Variants in CHTF18 observed in about 807,000 individuals in gnomAD.
The protein encoded by CHTF18 is chromosome transmission fidelity factor 18.
A neutral mutation model predicts 113.4 loss-of-function variants in CHTF18; 151 were observed. The observed-to-expected ratio is 1.33, with a 90% CI of 1.17 to 1.52. The LOEUF (loss-of-function observed/expected upper bound fraction) is 1.52. CHTF18 is among the 40% of genes most tolerant of loss of function. CHTF18 has a pLI of 0.00. For missense variants in CHTF18, 1,982 were observed against 1,381.6 expected (o/e 1.43, Z -6.89); for synonymous variants, 916 against 598.8 (o/e 1.53, Z -7.74).
rs1042639391 is a variant in CHTF18, at chr16:794,211, T to G, written c.1950+10T>G. 1.9e-6 allele frequency: 3 copies of G among 1,607,946 alleles called. No individual in the cohort carries two copies. The Admixed American group carries it at 5.0e-5, about 27-fold the overall frequency. On this transcript the variant is annotated intron_variant, in intron 15 of 21. Coordinates refer to ENST00000262315, the MANE Select transcript of CHTF18 (RefSeq NM_022092.3). Reference sequence around the variant, plus strand: ...CGAGAAGGTGGTCCAGGTACCTGTCTTCCACCAAAATGCCTGCCTGGGGCC... The same window carrying G: ...CGAGAAGGTGGTCCAGGTACCTGTCGTCCACCAAAATGCCTGCCTGGGGCC...
intron 15 of CHTF18, 111 bp from the exon 16 acceptor site, chr16:795,021 T>TGGGGCAG (rs2151648069): frequency 1.1e-6 from 1 of 877,400 alleles, no homozygotes; most frequent in Admixed American, 2.4e-5. Flanking sequence ...CGAAGCCTCG[T>TGGGGCAG]GGGGCAGGCG....
Position 796,792 on chromosome 16 carries a change from C to G in CHTF18, c.2532C>G (p.Ile844Met). 2.5e-6 allele frequency: 4 copies of G among 1,610,878 alleles called. No individual in the cohort carries two copies. The Admixed American group carries it at 5.0e-5, about 20-fold the overall frequency. The stretch of plus-strand genomic sequence containing the variant: ...TCACCTACCAGACGAAGCAGCTCAT[C>G]GCCCGCGAGATCGAGGTGGAGAAGA... ...KPLTYQTKQL[I>M]AREIEVEKMR... Residue 844 changes from isoleucine (I) to methionine (M), a missense_variant, in exon 19 of 22, where the codon ATC (isoleucine) becomes ATG (methionine). Transcript: ENST00000262315.
chr16:789,292 C>T lies in CHTF18; in HGVS notation c.369C>T (p.Pro123=), dbSNP rs373270981. The T allele has an allele frequency of 1.6e-5, 25 of 1,589,926 alleles. No homozygotes were observed. In the East Asian group the frequency reaches 2.5e-4, roughly 16 times the overall value. ...RSEEMEEPPP[P]DSSPTDITPP... ...AGGAGATGGAGGAGCCGCCCCCTCCCGACTCCTCGCCGACGGACATCACCC... is the reference window on the plus strand; with the variant it reads ...AGGAGATGGAGGAGCCGCCCCCTCCTGACTCCTCGCCGACGGACATCACCC... The change falls in exon 3 of 22, where the codon CCC becomes CCT. Residue 123 remains proline, a synonymous_variant. Transcript: ENST00000262315.
rs773108204 is a variant in CHTF18 at position 796,769 on chromosome 16, A to G, written c.2509A>G (p.Thr837Ala). 6 of 1,608,914 alleles carry G rather than the reference A, an allele frequency of 3.7e-6. No individual in the cohort carries two copies. In the Admixed American group the frequency reaches 8.3e-5, roughly 22 times the overall value. The change falls in exon 19 of 22, where the codon ACC (threonine) becomes GCC (alanine). Residue 837 changes from threonine to alanine, a missense_variant. Thr to Ala is a moderately conservative substitution (Grantham distance 58). Transcript: ENST00000262315. ...TGAGCTGCCTGCCCGCAAGCCCCTC[A>G]CCTACCAGACGAAGCAGCTCATCGC... ...FPELPARKPL[T>A]YQTKQLIARE...
rs1472197807 is a variant in CHTF18, at chr16:796,867, C to G, written c.2601+6C>G. ...GGGTAGAGAACAGCCCCCAGGTGAGCCCACCCAGGCTCTGGAGCAGGTTGC... is the reference window on the plus strand; with the variant it reads ...GGGTAGAGAACAGCCCCCAGGTGAGGCCACCCAGGCTCTGGAGCAGGTTGC... On this transcript the variant is annotated splice_donor_region_variant and intron_variant, in intron 19 of 21. Coordinates refer to ENST00000262315, the MANE Select transcript of CHTF18 (RefSeq NM_022092.3). 1.3e-6 allele frequency: 2 copies of G among 1,586,378 alleles called. No homozygotes were observed.
chr16:797,845 C>G lies in CHTF18; in HGVS notation c.2798C>G (p.Thr933Arg), dbSNP rs2294453. Residue 933 changes from threonine to arginine, a missense_variant, in exon 22 of 22, where the codon ACG (threonine) becomes AGG (arginine). Coordinates refer to ENST00000262315, the MANE Select transcript of CHTF18 (RefSeq NM_022092.3). ...CAACCCTGTGGCCCCGCAGGGGACA[C>G]GGCCCCGGAGCAGGACTCAGTGGAG... Reference protein sequence around the residue: ...RSTAVPSAGDTAPEQDSVERR... With the variant: ...RSTAVPSAGDRAPEQDSVERR... 3.1e-6 allele frequency: 5 copies of G among 1,602,836 alleles called. No individual in the cohort carries two copies. The African/African-American group carries it at 6.7e-5, about 21-fold the overall frequency.
At position 791,639 on chromosome 16, in the gene CHTF18, T is replaced by C. The variant is rs980077762; in HGVS notation, c.1105-212T>C. ...GGGCCAGTCACACTGGTATCAGCTG[T>C]GTTTTGTCTGCACGAACTTTGCTTT... On this transcript the variant is annotated intron_variant, in intron 8 of 21. Coordinates refer to ENST00000262315, the MANE Select transcript of CHTF18 (RefSeq NM_022092.3). 40 of 1,429,876 alleles carry C rather than the reference T, an allele frequency of 2.8e-5. No homozygotes were observed. The South Asian group carries it at 5.1e-4, about 18-fold the overall frequency. The allele number at this position is 1,429,876 out of a possible 1,614,324, so 88.6% of individuals were successfully genotyped here.
Position 795,239 on chromosome 16 carries a change from T to C in CHTF18, c.2058T>C (p.Ala686=), listed in dbSNP as rs772593323. ...LAFDDLLAGA[A]HHSQSFQLLR... ...TCGATGACCTGCTGGCGGGGGCTGC[T>C]CATCACAGCCAGAGCTTCCAGCTGC... The change falls in exon 16 of 22, where the codon GCT becomes GCC. Residue 686 remains alanine, a synonymous_variant. Coordinates refer to ENST00000262315, the MANE Select transcript of CHTF18 (RefSeq NM_022092.3). 10 of 1,550,134 alleles carry C rather than the reference T, an allele frequency of 6.5e-6. No homozygotes were observed. The East Asian group carries it at 2.4e-4, about 38-fold the overall frequency.
Position 791,306 on chromosome 16 carries a change from ACGAACAGGTG to A in CHTF18, c.1042_1051del (p.Glu348TrpfsTer36). The A allele has an allele frequency of 6.2e-7, 1 of 1,610,738 alleles. No homozygotes were observed. The highest frequency in any genetic ancestry group is 8.5e-7 in the Non-Finnish European group (1 of 1,179,620). ...ACAGCCCCAGGCAAGTGGAAGAGCC[ACGAACAGGTG>A]CTGGAGGAGATGCTGGAGGCTGGGC... is the stretch of plus-strand genomic sequence containing the variant. On this transcript the variant is annotated frameshift_variant, in exon 8 of 22. Coordinates refer to ENST00000262315, the MANE Select transcript of CHTF18 (RefSeq NM_022092.3). LOFTEE classifies it high-confidence loss of function.
rs2042233284 is a variant in CHTF18 at position 792,715 on chromosome 16, C to T, written c.1479-3C>T. The stretch of plus-strand genomic sequence containing the variant: ...GGTCCCTGGCCCTGCCGCCTCTCCT[C>T]AGGTTCGCACCGTCCCTGCGGCAGC... On this transcript the variant is annotated splice_region_variant and splice_polypyrimidine_tract_variant and intron_variant, in intron 11 of 21. Coordinates refer to ENST00000262315, the MANE Select transcript of CHTF18 (RefSeq NM_022092.3). 3 of 1,565,926 alleles carry T rather than the reference C, an allele frequency of 1.9e-6. No individual in the cohort carries two copies. The East Asian group carries it at 7.0e-5, about 37-fold the overall frequency.
rs1199406057 is a variant in CHTF18, at chr16:788,927, G to T, written c.92-4G>T. 3 of 1,543,910 alleles carry T rather than the reference G, an allele frequency of 1.9e-6. No individual in the cohort carries two copies. In the South Asian group the frequency reaches 3.6e-5, roughly 18 times the overall value. ...CGGCCGCTGACAATCTCCTCTCCCA[G>T]CAGGGGCGTCGACTCCGTCGCCCTC... is the stretch of plus-strand genomic sequence containing the variant. On this transcript the variant is annotated splice_polypyrimidine_tract_variant and splice_region_variant and intron_variant, in intron 1 of 21. Coordinates refer to ENST00000262315, the MANE Select transcript of CHTF18 (RefSeq NM_022092.3).
intron 15 of CHTF18, chr16:794,579 C>G (rs888849878): frequency 3.9e-6 from 1 of 254,880 alleles, no homozygotes. Flanking sequence ...GTGAGGGCTT[C>G]CTGCCGCCCT....
At position 788,708 on chromosome 16, in the gene CHTF18, G is replaced by A. The variant is rs561763344; in HGVS notation, c.24G>A (p.Leu8=). 20 of 1,600,858 alleles carry A rather than the reference G, an allele frequency of 1.2e-5. No homozygotes were observed. In the Admixed American group the frequency reaches 1.5e-4, roughly 12 times the overall value. The change falls in exon 1 of 22, where the codon CTG becomes CTA. Residue 8 remains leucine, a synonymous_variant. Transcript: ENST00000262315. ...GTATGGAGGACTACGAGCAGGAGCT[G>A]TGCGGCGTCGAGGATGATTTCCACA... The part of the protein sequence containing the change: MEDYEQE[L]CGVEDDFHNQ...
chr16:795,303 C>T lies in CHTF18; in HGVS notation c.2122C>T (p.Leu708=), dbSNP rs1296433469. 7 of 1,548,714 alleles carry T rather than the reference C, an allele frequency of 4.5e-6. No individual in the cohort carries two copies. The highest frequency in any genetic ancestry group is 1.2e-5 in the South Asian group (1 of 83,998). The change falls in exon 16 of 22, where the codon CTG becomes TTG. Residue 708 remains leucine, a synonymous_variant. Transcript: ENST00000262315. ...PPFLPVAFHV[L]FASSHTPRIT... Reference sequence around the variant, plus strand: ...CTTCCTGCCCGTGGCCTTCCATGTGCTGTTTGCTTCCAGCCACACACCCAG... The same window carrying T: ...CTTCCTGCCCGTGGCCTTCCATGTGTTGTTTGCTTCCAGCCACACACCCAG...
At chr16:791,137 C>T (rs755264725) in intron 7 of CHTF18, 24 bp from the exon 8 acceptor site, 1 of 1,596,148 alleles carries the variant, frequency 6.3e-7, no homozygotes, top group Non-Finnish European at 8.5e-7. Context: ...TCAGGCTGTG[C>T]TTCCCTTCCC....
chr16:794,928 A>C (rs1445096647), intron 15 of CHTF18: 3 of 570,034 alleles, frequency 5.3e-6, no homozygotes, highest in Non-Finnish European at 9.4e-6. Flanking sequence ...CCCTCCCCCG[A>C]CCCCTTGGGC....
intron 18 of CHTF18, 26 bp downstream of exon 18, chr16:796,103 G>A: frequency 6.3e-7 from 1 of 1,588,760 alleles, no homozygotes; most frequent in Non-Finnish European, 8.6e-7. Context: ...CCTGGGGTGT[G>A]CTCCAGGGTC....
rs774690304 is a variant in CHTF18 at position 795,344 on chromosome 16, C to T, written c.2163C>T (p.Ser721=). 44 of 1,547,714 alleles carry T rather than the reference C, an allele frequency of 2.8e-5. No individual in the cohort carries two copies. Among genetic ancestry groups the T allele is most frequent in the African/African-American group, 1.4e-5 (1 of 72,936 alleles). The change falls in exon 16 of 22, where the codon AGC becomes AGT. Residue 721 remains serine (S), a synonymous_variant. Transcript: ENST00000262315. ...ACACACCCAGGATCACCTTCCCCAG[C>T]AGCCAGCAGGAGGTGTGCTCGTCCC... ...SSHTPRITFP[S]SQQEAQNRMS...
Position 796,969 on chromosome 16 carries a change from G to C in CHTF18, c.2610G>C (p.Gly870=). The change falls in exon 20 of 22, where the codon GGG becomes GGC. Residue 870 remains glycine, a synonymous_variant. Coordinates refer to ENST00000262315, the MANE Select transcript of CHTF18 (RefSeq NM_022092.3). ...ARVENSPQVD[G]SPPGLEGLLG... is the part of the protein sequence containing the mutation. ...ATGCCTGCTCCCTACAGGTGGATGG[G>C]AGCCCCCCAGGGCTCGAGGGTCTGC... 1 of 1,525,880 alleles carries C rather than the reference G, an allele frequency of 6.6e-7. No homozygotes were observed. The highest frequency in any genetic ancestry group is 8.8e-7 in the Non-Finnish European group (1 of 1,134,266). 94.5% of individuals were successfully genotyped at this position (1,525,880 alleles called of 1,614,324 possible). A position where few individuals can be genotyped will look rare whatever the true frequency, so the allele number is the denominator to read the frequency against.
Sources: allele counts gnomAD v4.1 joint callset, GRCh38; gene constraint gnomAD v4.1.1; transcripts MANE v1.5; gene names NCBI Gene and HGNC (gene_info 2026-07-23, HGNC 2026-07-21).